PRKG1: variants seen among roughly 807,000 people sequenced by gnomAD.
PRKG1 encodes the protein protein kinase cGMP-dependent 1.
PRKG1 carries 35 observed loss-of-function variants against 88.1 expected under a neutral mutation model. The observed-to-expected ratio is 0.40, with a 90% CI of 0.30 to 0.53. PRKG1 has a LOEUF of 0.53. Among genes scored for constraint, PRKG1 ranks in the 20% least tolerant of loss-of-function variants. PRKG1 has a pLI of 0.59. For synonymous variants in PRKG1, 303 were observed against 292.5 expected (o/e 1.04, Z -0.37); for missense variants, 540 against 839.8 (o/e 0.64, Z 4.41).
chr10:51,655,311 CA>C (rs2132320811), intron 3 of PRKG1, among the ~76,000 whole-genome samples: 1 of 152,104 alleles, frequency 6.6e-6, no homozygotes, highest in African/African-American at 2.4e-5. Flanking sequence ...GATTCTGTAG[CA>C]AATGAACCTA....
rs143320701 is a variant in PRKG1, at chr10:51,923,921, C to T, written c.762+16351C>T. On this transcript the variant is annotated intron_variant, in intron 5 of 17. Coordinates refer to ENST00000373980, the MANE Select transcript of PRKG1 (RefSeq NM_006258.4). ...ACAGCTCACTGCAACCTCTACCTCC[C>T]AGGCTCAAGCAATCCTCCCACCTAG... Among the ~76,000 whole-genome samples the T allele has an allele frequency of 9.3e-4, 142 of 152,042 alleles. 2 individuals carry two copies. The East Asian group carries it at 0.022, about 24-fold the overall frequency.
intron 2 of PRKG1, among the ~76,000 whole-genome samples, chr10:51,387,707 T>A (rs1837289749): frequency 6.6e-6 from 1 of 152,192 alleles, no homozygotes; most frequent in Non-Finnish European, 1.5e-5. Context: ...TTTCATGTAG[T>A]TTGCTAACTC....
chr10:51,230,489 C>G (rs1225032757), intron 2 of PRKG1, among the ~76,000 whole-genome samples: 1 of 152,140 alleles, frequency 6.6e-6, no homozygotes, highest in Non-Finnish European at 1.5e-5. Flanking sequence ...ATATTACCCT[C>G]TTATGTGGTT....
chr10:51,498,390 C>T (rs1221902434), intron 3 of PRKG1, among the ~76,000 whole-genome samples: 1 of 152,060 alleles, frequency 6.6e-6, no homozygotes, highest in Admixed American at 6.6e-5. Flanking sequence ...TTACATTTCT[C>T]AAGAAAAATA....
intron 4 of PRKG1, among the ~76,000 whole-genome samples, chr10:51,895,309 T>G (rs1008043115): frequency 2.0e-5 from 3 of 152,190 alleles, no homozygotes; most frequent in African/African-American, 7.2e-5. Context: ...CTTTTCAGTT[T>G]CTTCTGGGTG....
intron 2 of PRKG1, among the ~76,000 whole-genome samples, chr10:51,275,268 T>C (rs533913687): frequency 2.1e-4 from 32 of 152,378 alleles, no homozygotes; most frequent in Middle Eastern, 6.8e-3. Context: ...ATAATTTTAA[T>C]TGCCTATGCA....
At chr10:51,470,750 T>C (rs1840028301) in intron 3 of PRKG1, among the ~76,000 whole-genome samples, 1 of 151,930 alleles carries the variant, frequency 6.6e-6, no homozygotes, top group African/African-American at 2.4e-5. Context: ...AGAAGTAGTT[T>C]TCTTACTAAA....
intron 3 of PRKG1, among the ~76,000 whole-genome samples, chr10:51,489,977 G>A (rs889152841): frequency 2.6e-5 from 4 of 152,104 alleles, no homozygotes; most frequent in Non-Finnish European, 5.9e-5. Flanking sequence ...CCCACTTTTA[G>A]GGATGGCCAC....
intron 2 of PRKG1, among the ~76,000 whole-genome samples, chr10:51,455,363 TG>T (rs1398722271): frequency 6.6e-6 from 1 of 152,252 alleles, no homozygotes; most frequent in African/African-American, 2.4e-5. Flanking sequence ...CCCATTGTTT[TG>T]GTGATTAACA....
intron 5 of PRKG1, among the ~76,000 whole-genome samples, chr10:52,003,268 T>C (rs1216130473): frequency 6.6e-6 from 1 of 152,200 alleles, no homozygotes; most frequent in Admixed American, 6.5e-5. Flanking sequence ...TTATAACACA[T>C]TTACAGTTCC....
intron 4 of PRKG1, among the ~76,000 whole-genome samples, chr10:51,832,901 C>T (rs1381779868): frequency 1.3e-5 from 2 of 152,114 alleles, no homozygotes; most frequent in African/African-American, 4.8e-5. Context: ...AAAAGTCTAT[C>T]TGGGTTTAAT....
At chr10:52,155,785 T>C (rs1838078560) in intron 8 of PRKG1, among the ~76,000 whole-genome samples, 1 of 149,206 alleles carries the variant, frequency 6.7e-6, no homozygotes, top group Admixed American at 6.7e-5. Flanking sequence ...ACTAGATGAT[T>C]TCATTTGATT....
At chr10:51,545,358 A>G (rs2132118686) in intron 3 of PRKG1, among the ~76,000 whole-genome samples, 1 of 152,236 alleles carries the variant, frequency 6.6e-6, no homozygotes, top group African/African-American at 2.4e-5. Flanking sequence ...TTGGCCTGGT[A>G]TTAGTAATGA....
At chr10:51,065,895 AT>A (rs1328363572) in intron 1 of PRKG1, among the ~76,000 whole-genome samples, 1 of 152,158 alleles carries the variant, frequency 6.6e-6, no homozygotes, top group Non-Finnish European at 1.5e-5. Context: ...ATAATTATGC[AT>A]TGTGATAAAG....
intron 3 of PRKG1, among the ~76,000 whole-genome samples, chr10:51,567,656 G>C (rs539879350): frequency 6.6e-6 from 1 of 151,932 alleles, no homozygotes; most frequent in South Asian, 2.1e-4. Context: ...AGTTGATCTC[G>C]GCTCACTGGA....
chr10:51,814,114 T>G (rs910486457), intron 4 of PRKG1, among the ~76,000 whole-genome samples: 2 of 152,194 alleles, frequency 1.3e-5, no homozygotes, highest in Non-Finnish European at 1.5e-5. Flanking sequence ...CTCCTGCCTT[T>G]GAGTTCCTCA....
At chr10:52,006,266 G>C (rs558950249) in intron 5 of PRKG1, among the ~76,000 whole-genome samples, 35 of 152,160 alleles carry the variant, frequency 2.3e-4, no homozygotes, top group African/African-American at 7.9e-4. Flanking sequence ...CCCTAGCAAG[G>C]GTTCTCAACA....
chr10:51,852,873 A>G (rs1247350172), intron 4 of PRKG1, among the ~76,000 whole-genome samples: 3 of 152,144 alleles, frequency 2.0e-5, no homozygotes, highest in African/African-American at 7.2e-5. Context: ...TAAAAAGAGA[A>G]GTGTTTTTTC....
intron 3 of PRKG1, among the ~76,000 whole-genome samples, chr10:51,794,251 A>G (rs1035804075): frequency 1.3e-5 from 2 of 152,176 alleles, no homozygotes; most frequent in African/African-American, 4.8e-5. Context: ...ATAGGATAAT[A>G]GTAGAAGACA....
Sources: gnomAD v4.1 joint callset for allele counts (sites outside exome capture counted in the v4.1 genomes callset) on GRCh38, gnomAD v4.1.1 for gene constraint, MANE v1.5 for transcripts, NCBI Gene and HGNC (gene_info 2026-07-23, HGNC 2026-07-21) for gene names.